EXOC4: variants seen among roughly 807,000 people sequenced by gnomAD.
EXOC4 encodes the protein SEC8-like 1.
EXOC4 carries 71 observed loss-of-function variants against 107.2 expected under a neutral mutation model. That is an observed-to-expected ratio of 0.66 (90% confidence interval 0.55 to 0.81). The LOEUF (loss-of-function observed/expected upper bound fraction) is 0.81, where lower values mean the gene tolerates loss of function less well. EXOC4 is among the 30% of genes least tolerant of loss of function. The pLI is 0.00. For missense variants in EXOC4, 1,108 were observed against 1,189.6 expected (o/e 0.93, Z 1.01); for synonymous variants, 456 against 441.2 (o/e 1.03, Z -0.42).
intron 10 of EXOC4, among the ~76,000 whole-genome samples, chr7:133,706,166 G>A (rs1014623071): frequency 1.2e-4 from 18 of 152,202 alleles, no homozygotes; most frequent in Non-Finnish European, 2.1e-4. Context: ...ACCACCATGT[G>A]TATGTGTAAG....
At chr7:133,404,907 C>T (rs1692189978) in intron 7 of EXOC4, among the ~76,000 whole-genome samples, 3 of 26,546 alleles carry the variant, frequency 1.1e-4, no homozygotes, top group African/African-American at 2.9e-4. Flanking sequence ...CACACACGCA[C>T]ACACACACAC....
At chr7:133,391,315 T>C (rs1171706080) in intron 7 of EXOC4, among the ~76,000 whole-genome samples, 1 of 152,196 alleles carries the variant, frequency 6.6e-6, no homozygotes, top group Non-Finnish European at 1.5e-5. Flanking sequence ...GCCAGTCTCA[T>C]TGGGGTGATA....
intron 5 of EXOC4, among the ~76,000 whole-genome samples, chr7:133,323,611 G>C (rs1795166057): frequency 6.6e-6 from 1 of 152,166 alleles, no homozygotes; most frequent in African/African-American, 2.4e-5. Flanking sequence ...GATTCGGTTT[G>C]CCAATATTTT....
At chr7:133,310,124 A>G (rs1794837544) in intron 4 of EXOC4, among the ~76,000 whole-genome samples, 1 of 152,208 alleles carries the variant, frequency 6.6e-6, no homozygotes, top group African/African-American at 2.4e-5. Flanking sequence ...ATTAGAGAAA[A>G]TGTTTAATTT....
intron 15 of EXOC4, among the ~76,000 whole-genome samples, chr7:133,997,992 A>G (rs963088237): frequency 6.6e-6 from 1 of 152,200 alleles, no homozygotes. Flanking sequence ...TGAAATAATA[A>G]TTAGCACAAT....
At chr7:133,353,349 A>G (rs1795952746) in intron 5 of EXOC4, among the ~76,000 whole-genome samples, 1 of 152,122 alleles carries the variant, frequency 6.6e-6, no homozygotes, top group Non-Finnish European at 1.5e-5. Flanking sequence ...GCTTTTGTTT[A>G]CTTGGCAATG....
intron 10 of EXOC4, among the ~76,000 whole-genome samples, chr7:133,701,676 T>C (rs1794658174): frequency 6.6e-6 from 1 of 152,200 alleles, no homozygotes; most frequent in Admixed American, 6.5e-5. Flanking sequence ...TCTGAAATGC[T>C]TGGGACCAGA....
chr7:133,794,465 T>C (rs1796771903), intron 10 of EXOC4, among the ~76,000 whole-genome samples: 1 of 152,206 alleles, frequency 6.6e-6, no homozygotes, highest in African/African-American at 2.4e-5. Flanking sequence ...TTCTTCTATT[T>C]GGAGTTCTTA....
chr7:133,915,522 A>G (rs1270457031), intron 12 of EXOC4, among the ~76,000 whole-genome samples: 1 of 152,168 alleles, frequency 6.6e-6, no homozygotes. Context: ...AGATACAGAA[A>G]GGGCAAATGT....
chr7:133,715,686 A>C (rs576169357), intron 10 of EXOC4, among the ~76,000 whole-genome samples: 1 of 151,620 alleles, frequency 6.6e-6, no homozygotes. Context: ...ACCACTTTCT[A>C]CCTCTTCTGC....
At chr7:134,085,932 G>A in the EXOC4 span, among the ~76,000 whole-genome samples, 1 of 152,194 alleles carries the variant, frequency 6.6e-6, no homozygotes, top group Non-Finnish European at 1.5e-5. Flanking sequence ...AGAGCTGTGT[G>A]TGCTCAGGAA....
intron 10 of EXOC4, among the ~76,000 whole-genome samples, chr7:133,672,580 C>G (rs1336921083): frequency 6.6e-6 from 1 of 151,902 alleles, no homozygotes; most frequent in Non-Finnish European, 1.5e-5. Flanking sequence ...TGGATAAGTC[C>G]ACCTGGGGGA....
At chr7:133,779,412 G>A (rs1487670312) in intron 10 of EXOC4, among the ~76,000 whole-genome samples, 1 of 152,156 alleles carries the variant, frequency 6.6e-6, no homozygotes, top group African/African-American at 2.4e-5. Context: ...GTGGAAAGAA[G>A]GAACACTTCA....
intron 10 of EXOC4, among the ~76,000 whole-genome samples, chr7:133,656,894 T>A (rs1448878547): frequency 1.3e-5 from 2 of 151,974 alleles, no homozygotes; most frequent in Non-Finnish European, 2.9e-5. Flanking sequence ...GGACTTGAAA[T>A]GAGAGTAATT....
rs768724012 is a variant in EXOC4, at chr7:133,596,380, T to C, written c.1418-33665T>C. On this transcript the variant is annotated intron_variant, in intron 9 of 17. Transcript: ENST00000253861. ...GAAAATGTGCATAGAATTGTTCATA[T>C]TTGCAAAATGAATTAATAGAACTAC... is the stretch of plus-strand genomic sequence containing the variant. Among the ~76,000 whole-genome samples the C allele has an allele frequency of 5.6e-4, 85 of 152,240 alleles. 1 individual carries two copies. The highest frequency in any genetic ancestry group is 1.3e-4 in the Non-Finnish European group (9 of 68,044).
chr7:133,763,887 A>G lies in EXOC4; in HGVS notation c.1515-53438A>G, dbSNP rs188460386. Among the ~76,000 whole-genome samples, 25 of 152,196 alleles carry G rather than the reference A, an allele frequency of 1.6e-4. 2 individuals are homozygous for G. The South Asian group carries it at 1.9e-3, about 11-fold the overall frequency. ...CATTTCTGCTTTTAGTGGCTCTAAC[A>G]GTCCCAGGATTTACCAACTAGGAGA... is the stretch of plus-strand genomic sequence containing the variant. On this transcript the variant is annotated intron_variant, in intron 10 of 17. Transcript: ENST00000253861.
intron 7 of EXOC4, among the ~76,000 whole-genome samples, chr7:133,413,602 A>T (rs377435130): frequency 3.3e-5 from 5 of 152,270 alleles, no homozygotes; most frequent in East Asian, 3.9e-4. Flanking sequence ...CAATTTTTAT[A>T]AACCTCAGAT....
At chr7:133,452,545 C>G (rs1269983703) in intron 7 of EXOC4, among the ~76,000 whole-genome samples, 1 of 149,834 alleles carries the variant, frequency 6.7e-6, no homozygotes, top group Non-Finnish European at 1.5e-5. Flanking sequence ...CTGCCATCCT[C>G]ATGCTCCAGT....
At chr7:133,855,116 T>TATATATATATAA in intron 11 of EXOC4, among the ~76,000 whole-genome samples, 1 of 79,600 alleles carries the variant, frequency 1.3e-5, no homozygotes, top group Non-Finnish European at 2.3e-5. Context: ...TATATATAAA[T>TATATATATATAA]ATATATATAT....
Sources: allele counts gnomAD v4.1 joint callset (sites outside exome capture counted in the v4.1 genomes callset), GRCh38; gene constraint gnomAD v4.1.1; transcripts MANE v1.5; gene names NCBI Gene and HGNC (gene_info 2026-07-23, HGNC 2026-07-21).